The following PFKM variants were observed in gnomAD, a reference collection of about 807,000 sequenced individuals.
The protein encoded by PFKM is phosphofructokinase, muscle, also known as ATP-dependent 6-phosphofructokinase, muscle type.
In PFKM, 58 loss-of-function variants were observed where a neutral mutation model predicts 95.5. The observed-to-expected ratio is 0.61, with a 90% CI of 0.49 to 0.76. The LOEUF (loss-of-function observed/expected upper bound fraction) is 0.76, where lower values mean the gene tolerates loss of function less well. Ranked by LOEUF, PFKM falls within the 30% of genes least tolerant of loss-of-function variation. PFKM has a pLI of 0.00. For synonymous variants in PFKM, 336 were observed against 357.2 expected, an observed-to-expected ratio of 0.94 and a Z score of 0.67; for missense variants, 678 against 1,005.4, an observed-to-expected ratio of 0.67 and a Z score of 4.40.
intron 2 of PFKM, among the ~76,000 whole-genome samples, chr12:48,127,701 C>G (rs1193738274): frequency 6.6e-6 from 1 of 152,204 alleles, no homozygotes; most frequent in Non-Finnish European, 1.5e-5. Flanking sequence ...ACACTGCTGC[C>G]AGAGTTATCT....
intron 2 of PFKM, among the ~76,000 whole-genome samples, chr12:48,123,863 C>A (rs1948547902): frequency 1.3e-5 from 2 of 152,146 alleles, no homozygotes; most frequent in South Asian, 4.1e-4. Flanking sequence ...AATCTACTTA[C>A]ATAATGAAAT....
upstream of PFKM, chr12:48,105,652 A>G (rs1294172386): frequency 4.0e-5 from 17 of 429,984 alleles, no homozygotes; most frequent in Middle Eastern, 1.4e-3. Flanking sequence ...CGGTGAAAAC[A>G]GCTCTCCCCA....
intron 15 of PFKM, 149 bp downstream of exon 15, chr12:48,141,530 G>A: frequency 1.3e-6 from 1 of 786,362 alleles, no homozygotes; most frequent in South Asian, 1.5e-5. Context: ...GGGCAGACAT[G>A]CCCATCTCAA....
Position 48,139,267 on chromosome 12 carries a change from G to C in PFKM, c.1063-18G>C. The C allele has an allele frequency of 6.2e-7, 1 of 1,607,988 alleles. No individual in the cohort carries two copies. The highest frequency in any genetic ancestry group is 8.5e-7 in the Non-Finnish European group (1 of 1,174,878). Reference sequence around the variant, plus strand: ...TCCTGACCCTGGAGTTGAAACTGTCGCTGTGCTCCCCCCTCAGACCAAAGA... The same window carrying C: ...TCCTGACCCTGGAGTTGAAACTGTCCCTGTGCTCCCCCCTCAGACCAAAGA... On this transcript the variant is annotated intron_variant, in intron 11 of 22. Coordinates refer to ENST00000359794, the MANE Select transcript of PFKM (RefSeq NM_000289.6).
intron 1 of PFKM, among the ~76,000 whole-genome samples, chr12:48,121,499 TTTA>T (rs1173596059): frequency 6.6e-6 from 1 of 152,226 alleles, no homozygotes; most frequent in African/African-American, 2.4e-5. Flanking sequence ...ATTGCATTAT[TTTA>T]TTATTTGTGT....
At chr12:48,142,322 A>C (rs758796978) in intron 17 of PFKM, 18 of 490,732 alleles carry the variant, frequency 3.7e-5, no homozygotes, top group Non-Finnish European at 5.9e-5. Context: ...AAAATACAAA[A>C]ACTAGCTGGG....
At chr12:48,127,728 G>T (rs73302829) in intron 2 of PFKM, among the ~76,000 whole-genome samples, 1 of 152,118 alleles carries the variant, frequency 6.6e-6, no homozygotes, top group Admixed American at 6.5e-5. Flanking sequence ...GATACAGATC[G>T]CATCATGTCC....
intron 3 of PFKM, among the ~76,000 whole-genome samples, chr12:48,109,770 C>A (rs1947025050): frequency 6.6e-6 from 1 of 152,106 alleles, no homozygotes; most frequent in Admixed American, 6.5e-5. Flanking sequence ...AATATTTTCC[C>A]AGCACCAATA....
Position 48,145,678 on chromosome 12 carries a change from C to A in PFKM, c.2313C>A (p.Thr771=), listed in dbSNP as rs1218780747. The A allele has an allele frequency of 1.9e-6, 3 of 1,614,194 alleles. No individual in the cohort carries two copies. Among genetic ancestry groups the A allele is most frequent in the South Asian group, 1.1e-5 (1 of 91,078 alleles). ...ACCATGCCCACCTGGAGCACATCACCCGGAAGCGGTCCGGGGAAGCTGCCG... is the reference window on the plus strand; with the variant it reads ...ACCATGCCCACCTGGAGCACATCACACGGAAGCGGTCCGGGGAAGCTGCCG... ...TSDHAHLEHI[T]RKRSGEAAV is the part of the protein sequence containing the mutation. Residue 771 remains threonine, a synonymous_variant, in exon 23 of 23, where the codon ACC becomes ACA. Transcript: ENST00000359794. The surrounding 1 kb of genome is among the most constrained non-coding windows in gnomAD (Gnocchi z 4.3).
rs971327765 is a variant in PFKM, at chr12:48,141,454, C to T, written c.1412+73C>T. 2.3e-6 allele frequency: 3 copies of T among 1,318,212 alleles called. No homozygotes were observed. In the African/African-American group the frequency reaches 4.3e-5, roughly 19 times the overall value. The allele number at this position is 1,318,212 out of a possible 1,614,324, so 81.7% of individuals were successfully genotyped here. A position where few individuals can be genotyped will look rare whatever the true frequency, so the allele number is the denominator to read the frequency against. ...GCCCTTGGATGTGGGTTCATTATGC[C>T]ATGGTCTGCTTCAACCACCCTGTTG... On this transcript the variant is annotated intron_variant, in intron 15 of 22. Coordinates refer to ENST00000359794, the MANE Select transcript of PFKM (RefSeq NM_000289.6).
At chr12:48,107,561 G>A (rs776349390) in intron 2 of PFKM, 66 of 726,766 alleles carry the variant, frequency 9.1e-5, no homozygotes, top group Middle Eastern at 2.4e-4. Context: ...GATTTTAGGG[G>A]TCAACTGACC....
At chr12:48,141,523 C>G (rs1950573729) in intron 15 of PFKM, 142 bp downstream of exon 15, 1 of 791,010 alleles carries the variant, frequency 1.3e-6, no homozygotes, top group South Asian at 1.5e-5. Flanking sequence ...GCCATGAGGG[C>G]AGACATGCCC....
At chr12:48,120,127 C>G (rs1948101038) in intron 1 of PFKM, among the ~76,000 whole-genome samples, 1 of 152,094 alleles carries the variant, frequency 6.6e-6, no homozygotes, top group Admixed American at 6.6e-5. Context: ...CCTATTTGCC[C>G]TAGTCACTTA....
chr12:48,111,322 C>A (rs545720609), intron 3 of PFKM, among the ~76,000 whole-genome samples: 1 of 152,208 alleles, frequency 6.6e-6, no homozygotes, highest in Admixed American at 6.5e-5. Context: ...ATGCCCCCTG[C>A]TGCCCTTCTG....
chr12:48,119,989 G>T (rs1948083361), intron 1 of PFKM: 1 of 152,150 alleles, frequency 6.6e-6, no homozygotes, highest in Admixed American at 6.5e-5. Context: ...ACGCTTCCAG[G>T]GGTGGAAGAG....
At chr12:48,116,646 T>C (rs1947708256), upstream of PFKM, among the ~76,000 whole-genome samples, 2 of 152,094 alleles carry the variant, frequency 1.3e-5, no homozygotes, top group Admixed American at 1.3e-4. Context: ...ACCTGGCTAA[T>C]TTTTTGTATT....
intron 3 of PFKM, among the ~76,000 whole-genome samples, chr12:48,110,170 C>T (rs1324934065): frequency 6.6e-6 from 1 of 152,046 alleles, no homozygotes; most frequent in Non-Finnish European, 1.5e-5. Context: ...ATGCATTAGC[C>T]AGGCAAAGAG....
chr12:48,107,561 G>C (rs776349390), intron 2 of PFKM: 1 of 726,648 alleles, frequency 1.4e-6, no homozygotes, highest in African/African-American at 1.8e-5. Context: ...GATTTTAGGG[G>C]TCAACTGACC....
chr12:48,128,656 T>C (rs1055368133), intron 2 of PFKM, among the ~76,000 whole-genome samples: 1 of 152,214 alleles, frequency 6.6e-6, no homozygotes, highest in Non-Finnish European at 1.5e-5. Context: ...ATTTTGATTT[T>C]TTTTATTCCA....
Sources: gnomAD v4.1 joint callset for allele counts (sites outside exome capture counted in the v4.1 genomes callset) on GRCh38, gnomAD v4.1.1 for gene constraint, Gnocchi (gnomAD v3.1) non-coding constraint, MANE v1.5 for transcripts, NCBI Gene and HGNC (gene_info 2026-07-23, HGNC 2026-07-21) for gene names.